MTHFD1: variants seen among roughly 807,000 people sequenced by gnomAD.
MTHFD1 encodes the protein methylenetetrahydrofolate dehydrogenase, cyclohydrolase and formyltetrahydrofolate synthetase 1.
MTHFD1 carries 44 observed loss-of-function variants against 110.3 expected under a neutral mutation model. The observed-to-expected ratio is 0.40, with a 90% CI of 0.31 to 0.51. MTHFD1 has a LOEUF of 0.51. MTHFD1 is among the 20% of genes least tolerant of loss of function. The pLI, the probability that MTHFD1 is intolerant of heterozygous loss-of-function variation, is 0.60. For synonymous variants in MTHFD1, 402 were observed against 428.8 expected (o/e 0.94, Z 0.77); for missense variants, 909 against 1,173.1 (o/e 0.77, Z 3.29).
intron 24 of MTHFD1, among the ~76,000 whole-genome samples, chr14:64,450,532 A>T (rs1003606191): frequency 2.0e-5 from 3 of 152,202 alleles, no homozygotes; most frequent in Admixed American, 2.0e-4. Flanking sequence ...TAGTTCAGGA[A>T]AAGGTTCTTA....
intron 21 of MTHFD1, 73 bp downstream of exon 21, chr14:64,442,475 C>T (rs1374921133): frequency 6.7e-7 from 1 of 1,490,032 alleles, no homozygotes; most frequent in Non-Finnish European, 9.3e-7. Flanking sequence ...TGACTTCTGC[C>T]TGTTTCTTCA....
Position 64,419,822 on chromosome 14 carries a change from A to T in MTHFD1, c.624A>T (p.Lys208Asn). The T allele has an allele frequency of 6.2e-7, 1 of 1,612,484 alleles. No homozygotes were observed. The highest frequency in any genetic ancestry group is 1.1e-5 in the South Asian group (1 of 91,066). Residue 208 changes from lysine to asparagine, a missense_variant, in exon 8 of 28, where the codon AAA becomes AAT. Coordinates refer to ENST00000652337, the MANE Select transcript of MTHFD1 (RefSeq NM_005956.4). ...KTAHLDEEVN[K>N]GDILVVATGQ... ...AAATCCCCTACCCCTAGGTAAATAAAGGTGACATCCTGGTGGTTGCAACTG... is the reference window on the plus strand; with the variant it reads ...AAATCCCCTACCCCTAGGTAAATAATGGTGACATCCTGGTGGTTGCAACTG...
intron 27 of MTHFD1, 118 bp downstream of exon 27, chr14:64,458,425 T>C: frequency 1.3e-6 from 1 of 777,692 alleles, no homozygotes; most frequent in South Asian, 1.4e-5. Context: ...ACATTTCTTT[T>C]CAGACTTCCC....
rs558897749 is a variant in MTHFD1, at chr14:64,414,384, T to C, written c.241-974T>C. Among the ~76,000 whole-genome samples, 6 of 139,882 alleles carry C rather than the reference T, an allele frequency of 4.3e-5. 1 individual carries two copies. The South Asian group carries it at 1.4e-3, about 33-fold the overall frequency. The allele number at this position is 139,882 out of a possible 152,430, so 91.8% of individuals were successfully genotyped here. On this transcript the variant is annotated intron_variant, in intron 4 of 27. Transcript: ENST00000652337. ...TCAGCTCACTGCAGCCTCCGCTTCCTGGGTTCAAGCGATTCTCATGCCTCA... is the reference window on the plus strand; with the variant it reads ...TCAGCTCACTGCAGCCTCCGCTTCCCGGGTTCAAGCGATTCTCATGCCTCA...
At chr14:64,419,703 T>C (rs2295641) in intron 7 of MTHFD1, 111 bp from the exon 8 acceptor site, 61,075 of 774,302 alleles carry the variant, frequency 0.079, 2,860 homozygotes, top group African/African-American at 0.15. Flanking sequence ...AAATAGCTTA[T>C]GACACTTAAG....
intron 3 of MTHFD1, among the ~76,000 whole-genome samples, chr14:64,411,609 A>T (rs1248039956): frequency 6.6e-6 from 1 of 152,218 alleles, no homozygotes; most frequent in Non-Finnish European, 1.5e-5. Context: ...TTTACATAAG[A>T]TGACAGATGG....
At chr14:64,400,396 AAG>A (rs1374072364) in intron 1 of MTHFD1, among the ~76,000 whole-genome samples, 10 of 151,742 alleles carry the variant, frequency 6.6e-5, no homozygotes, top group Non-Finnish European at 1.2e-4. Flanking sequence ...CTCAAAAAAA[AAG>A]AGAAATACAG....
intron 22 of MTHFD1, among the ~76,000 whole-genome samples, chr14:64,447,851 A>G (rs2078306578): frequency 1.3e-5 from 2 of 152,192 alleles, no homozygotes; most frequent in Admixed American, 6.5e-5. Context: ...ATGAATACAT[A>G]AAATCTATAA....
intron 15 of MTHFD1, among the ~76,000 whole-genome samples, chr14:64,432,441 C>T (rs572157184): frequency 6.6e-6 from 1 of 152,172 alleles, no homozygotes; most frequent in East Asian, 1.9e-4. Context: ...TTTAGCAGCT[C>T]TATTAATAAT....
At chr14:64,415,852 C>T in intron 6 of MTHFD1, 113 bp downstream of exon 6, 1 of 1,028,118 alleles carries the variant, frequency 9.7e-7, no homozygotes, top group Non-Finnish European at 1.5e-6. Context: ...ACTTGATTGG[C>T]AGAAGGGCCT....
chr14:64,411,687 G>A (rs2077985819), intron 3 of MTHFD1, among the ~76,000 whole-genome samples: 2 of 152,166 alleles, frequency 1.3e-5, no homozygotes, highest in Admixed American at 1.3e-4. Context: ...ATCACCTGAG[G>A]TCGGGAGTTT....
At chr14:64,392,813 G>GTT (rs2077817293) in intron 1 of MTHFD1, among the ~76,000 whole-genome samples, 2 of 152,090 alleles carry the variant, frequency 1.3e-5, no homozygotes, top group Non-Finnish European at 2.9e-5. Flanking sequence ...TAATAAATAG[G>GTT]TACTTAGAAA....
chr14:64,437,496 A>G (rs2078215283), intron 16 of MTHFD1, among the ~76,000 whole-genome samples: 1 of 152,194 alleles, frequency 6.6e-6, no homozygotes, highest in Non-Finnish European at 1.5e-5. Context: ...ACAACAATTC[A>G]GCTTTCACTT....
At chr14:64,396,994 A>G (rs1174858286) in intron 1 of MTHFD1, among the ~76,000 whole-genome samples, 3 of 141,136 alleles carry the variant, frequency 2.1e-5, no homozygotes, top group Non-Finnish European at 4.6e-5. Flanking sequence ...AGTCCCAGCT[A>G]CTTGGGAGGC....
chr14:64,449,233 C>T (rs1277219799), intron 23 of MTHFD1: 1 of 626,938 alleles, frequency 1.6e-6, no homozygotes, highest in Non-Finnish European at 2.9e-6. Context: ...TCGCGTATTA[C>T]CAGGGTGGAA....
chr14:64,427,328 G>T lies in MTHFD1; in HGVS notation c.1128-9G>T, dbSNP rs201730211. The T allele has an allele frequency of 6.2e-7, 1 of 1,613,952 alleles. No homozygotes were observed. The highest frequency in any genetic ancestry group is 1.7e-5 in the Admixed American group (1 of 60,002). On this transcript the variant is annotated splice_polypyrimidine_tract_variant and intron_variant, in intron 11 of 27. Coordinates refer to ENST00000652337, the MANE Select transcript of MTHFD1 (RefSeq NM_005956.4). ...TTAAACCTTTTTCTCTTTTGCTTTC[G>T]TCTTGAAGAATAACTCCAACACCCC... is the stretch of plus-strand genomic sequence containing the variant.
chr14:64,452,572 C>A (rs979823980), intron 24 of MTHFD1, among the ~76,000 whole-genome samples: 1 of 152,236 alleles, frequency 6.6e-6, no homozygotes, highest in Non-Finnish European at 1.5e-5. Flanking sequence ...GACCACTGGT[C>A]TCTGTCCACT....
chr14:64,454,999 G>A (rs2078446159), intron 26 of MTHFD1, 124 bp downstream of exon 26: 2 of 993,658 alleles, frequency 2.0e-6, no homozygotes, highest in Non-Finnish European at 3.2e-6. Flanking sequence ...TTGGAATCGG[G>A]CCTATTATGA....
intron 26 of MTHFD1, among the ~76,000 whole-genome samples, chr14:64,455,745 A>C (rs1388456978): frequency 2.0e-5 from 3 of 152,244 alleles, no homozygotes; most frequent in Admixed American, 6.5e-5. Context: ...TTGAAAACGT[A>C]GGACATTAGA....
Sources: allele counts gnomAD v4.1 joint callset (sites outside exome capture counted in the v4.1 genomes callset), GRCh38; gene constraint gnomAD v4.1.1; transcripts MANE v1.5; gene names NCBI Gene and HGNC (gene_info 2026-07-23, HGNC 2026-07-21).